The following DOCK4 variants were observed in gnomAD, a reference collection of about 807,000 sequenced individuals.
DOCK4 encodes the protein dedicator of cytokinesis protein 4.
DOCK4 carries 97 observed loss-of-function variants against 268.1 expected under a neutral mutation model. The ratio of observed to expected loss-of-function variants is 0.36; its 90% CI spans 0.31 to 0.43. The LOEUF is 0.43. Among genes scored for constraint, DOCK4 ranks in the 20% least tolerant of loss-of-function variants. The pLI is 1.00. For synonymous variants in DOCK4, 954 were observed against 887.2 expected, an observed-to-expected ratio of 1.08 and a Z score of -1.34; for missense variants, 2,145 against 2,455.7, an observed-to-expected ratio of 0.87 and a Z score of 2.67.
intron 1 of DOCK4, among the ~76,000 whole-genome samples, chr7:112,065,069 G>A (rs1017710420): frequency 2.6e-5 from 4 of 152,186 alleles, no homozygotes; most frequent in African/African-American, 9.6e-5. Flanking sequence ...TAATACAGCA[G>A]CATACAGGAC....
At chr7:112,124,190 A>G (rs1243002821) in intron 1 of DOCK4, among the ~76,000 whole-genome samples, 1 of 151,846 alleles carries the variant, frequency 6.6e-6, no homozygotes, top group African/African-American at 2.4e-5. Context: ...ACACTCGACT[A>G]TTTTATTTTT....
At chr7:112,151,907 C>T (rs1816129884) in intron 1 of DOCK4, among the ~76,000 whole-genome samples, 1 of 148,586 alleles carries the variant, frequency 6.7e-6, no homozygotes, top group African/African-American at 2.5e-5. Flanking sequence ...AGAGCAGCCA[C>T]ACAAAAGCAG....
intron 42 of DOCK4, among the ~76,000 whole-genome samples, chr7:111,748,735 G>A (rs889426575): frequency 2.0e-5 from 3 of 151,924 alleles, no homozygotes; most frequent in Admixed American, 2.0e-4. Context: ...TATCGATTCA[G>A]AAATTCTAGG....
intron 8 of DOCK4, among the ~76,000 whole-genome samples, chr7:111,961,462 G>C (rs565365454): frequency 1.3e-5 from 2 of 152,286 alleles, no homozygotes; most frequent in East Asian, 3.9e-4. Flanking sequence ...AATGGGTAGA[G>C]GTGATGTGCA....
At chr7:111,979,479 A>ATTT (rs10629057) in intron 7 of DOCK4, among the ~76,000 whole-genome samples, 18,327 of 147,232 alleles carry the variant, frequency 0.12, 1,193 homozygotes, top group Middle Eastern at 0.16. Context: ...TGCTTTAACA[A>ATTT]TTTTTTTTTT....
At position 112,004,117 on chromosome 7, in the gene DOCK4, G is replaced by A. The variant is rs1368344706; in HGVS notation, c.52C>T (p.Arg18Ter). ...EKYGVVIASF[R>*]GTVPYGLSLE... ...GACAGGCCATATGGAACGGTTCCTC[G>A]GAAACTGGCAATAACTGTAAAAAAT... Residue 18 changes from arginine to a stop codon, truncating the protein, a stop_gained, in exon 2 of 53, where the codon CGA becomes TGA. Coordinates refer to ENST00000428084, the MANE Select transcript of DOCK4 (RefSeq NM_001363540.2). LOFTEE classifies it high-confidence loss of function. The A allele has an allele frequency of 4.4e-6, 7 of 1,591,914 alleles. No homozygotes were observed. In the Admixed American group the frequency reaches 5.3e-5, roughly 12 times the overall value.
Position 111,894,105 on chromosome 7 carries a change from C to T in DOCK4, c.1587+1507G>A, listed in dbSNP as rs140775825. Among the ~76,000 whole-genome samples, 30 of 152,024 alleles carry T rather than the reference C, an allele frequency of 2.0e-4. 1 individual carries two copies. In the East Asian group the frequency reaches 4.8e-3, roughly 25 times the overall value. On this transcript the variant is annotated intron_variant, in intron 16 of 52. Coordinates refer to ENST00000428084, the MANE Select transcript of DOCK4 (RefSeq NM_001363540.2). ...GGCATGGTGGCGGGTGCCTGGTGTCCCAGCTAGTCAGGAGGCTGAGGCAGG... is the reference window on the plus strand; with the variant it reads ...GGCATGGTGGCGGGTGCCTGGTGTCTCAGCTAGTCAGGAGGCTGAGGCAGG...
intron 12 of DOCK4, among the ~76,000 whole-genome samples, chr7:111,926,146 AAAAGAG>A (rs1369800238): frequency 2.2e-5 from 3 of 137,138 alleles, no homozygotes; most frequent in Non-Finnish European, 4.7e-5. Flanking sequence ...GAAAGAAAGA[AAAAGAG>A]AAAAAGAAAG....
At chr7:111,899,826 A>T (rs1444583416) in intron 15 of DOCK4, among the ~76,000 whole-genome samples, 2 of 152,238 alleles carry the variant, frequency 1.3e-5, no homozygotes, top group African/African-American at 2.4e-5. Flanking sequence ...CAGGAGGCTG[A>T]GACAGGAGAA....
In DOCK4 at chr7:111,999,440, C is replaced by G. The variant is rs532816328; in HGVS notation, c.163-937G>C. Among the ~76,000 whole-genome samples the G allele has an allele frequency of 2.6e-5, 4 of 152,006 alleles. No individual in the cohort carries two copies. The South Asian group carries it at 8.3e-4, about 32-fold the overall frequency. On this transcript the variant is annotated intron_variant, in intron 3 of 52. Coordinates refer to ENST00000428084, the MANE Select transcript of DOCK4 (RefSeq NM_001363540.2). ...TTCTAACTAATCAGGAAAAGTCAGA[C>G]TTGAGGTTTATTAGAAGTGACAGAA...
Position 112,124,737 on chromosome 7 carries a change from G to A in DOCK4, c.37+81365C>T, listed in dbSNP as rs534492500. ...TGTCTAGCGCAGTGCCTGGCCCATAGTGTTTTAAGAAAACCACTTAGCTAA... is the reference window on the plus strand; with the variant it reads ...TGTCTAGCGCAGTGCCTGGCCCATAATGTTTTAAGAAAACCACTTAGCTAA... On this transcript the variant is annotated intron_variant, in intron 1 of 52. Transcript: ENST00000428084. Among the ~76,000 whole-genome samples, 3 of 152,150 alleles carry A rather than the reference G, an allele frequency of 2.0e-5. No individual in the cohort carries two copies. The South Asian group carries it at 6.2e-4, about 32-fold the overall frequency.
At chr7:111,902,573 G>A (rs1285159381) in intron 13 of DOCK4, among the ~76,000 whole-genome samples, 1 of 152,092 alleles carries the variant, frequency 6.6e-6, no homozygotes. Flanking sequence ...CTAACAGCAT[G>A]CTTTTACTTC....
At chr7:112,075,955 T>C (rs760469540) in intron 1 of DOCK4, among the ~76,000 whole-genome samples, 6 of 152,210 alleles carry the variant, frequency 3.9e-5, no homozygotes, top group Non-Finnish European at 7.3e-5. Context: ...TCTGATATTT[T>C]ATCTTATCTT....
intron 8 of DOCK4, among the ~76,000 whole-genome samples, chr7:111,953,142 A>T (rs1796187506): frequency 6.6e-6 from 1 of 151,924 alleles, no homozygotes; most frequent in South Asian, 2.1e-4. Flanking sequence ...TGGGAGGATC[A>T]CTTGAGCCCA....
intron 1 of DOCK4, among the ~76,000 whole-genome samples, chr7:112,121,286 CT>C (rs1812701989): frequency 6.6e-6 from 1 of 152,172 alleles, no homozygotes; most frequent in Non-Finnish European, 1.5e-5. Context: ...TGGATAAAGA[CT>C]CTGATCTCCA....
Position 111,739,256 on chromosome 7 carries a change from GGAGA to G in DOCK4, c.5123-17_5123-14del, listed in dbSNP as rs755049992. 8.7e-6 allele frequency: 14 copies of G among 1,610,008 alleles called. No homozygotes were observed. Among genetic ancestry groups the G allele is most frequent in the East Asian group, 2.2e-5 (1 of 44,858 alleles). On this transcript the variant is annotated splice_polypyrimidine_tract_variant and intron_variant, in intron 48 of 52. Transcript: ENST00000428084. ...AACAAAGGAGAAGCTGGGAAGAGAA[GGAGA>G]GAGAGGATCATCAGCATGGTAGTGG...
chr7:111,909,226 T>A (rs1184208922), intron 13 of DOCK4, among the ~76,000 whole-genome samples: 1 of 152,222 alleles, frequency 6.6e-6, no homozygotes, highest in South Asian at 2.1e-4. Flanking sequence ...GTGAGATATA[T>A]CTCATTGTGG....
intron 1 of DOCK4, among the ~76,000 whole-genome samples, chr7:112,047,955 C>T (rs1022207544): frequency 2.0e-5 from 3 of 152,110 alleles, no homozygotes; most frequent in Non-Finnish European, 4.4e-5. Context: ...CCTCCCAAAG[C>T]ACTGGGATTA....
Position 111,878,315 on chromosome 7 carries a change from T to TA in DOCK4, c.1588-1130dup, listed in dbSNP as rs528556202. On this transcript the variant is annotated intron_variant, in intron 16 of 52. Transcript: ENST00000428084. ...TACATTGACTAAATTCCACATGAGA[T>TA]AAAAAACGTAGTGATCAGAAAATCA... 1.3e-3 allele frequency among the ~76,000 whole-genome samples: 192 copies of TA among 152,216 alleles called. 1 individual carries two copies. Among genetic ancestry groups the TA allele is most frequent in the Non-Finnish European group, 2.3e-3 (157 of 68,010 alleles).
Sources: gnomAD v4.1 joint callset for allele counts (sites outside exome capture counted in the v4.1 genomes callset) on GRCh38, gnomAD v4.1.1 for gene constraint, MANE v1.5 for transcripts, NCBI Gene and HGNC (gene_info 2026-07-23, HGNC 2026-07-21) for gene names.